The following ATG13 variants were observed in gnomAD, a reference collection of about 807,000 sequenced individuals.
The protein encoded by ATG13 is autophagy related 13.
A neutral mutation model predicts 65.5 loss-of-function variants in ATG13; 23 were observed. That is an observed-to-expected ratio of 0.35 (90% CI 0.25 to 0.50). The LOEUF (loss-of-function observed/expected upper bound fraction) is 0.50, where lower values mean the gene tolerates loss of function less well. Among genes scored for constraint, ATG13 ranks in the 20% least tolerant of loss-of-function variants. The pLI is 0.98. For synonymous variants in ATG13, 252 were observed against 245.2 expected, an observed-to-expected ratio of 1.03 and a Z score of -0.26; for missense variants, 566 against 677.0, an observed-to-expected ratio of 0.84 and a Z score of 1.82.
Position 46,657,155 on chromosome 11 carries a change from G to C in ATG13, c.560G>C (p.Cys187Ser). The C allele has an allele frequency of 6.2e-7, 1 of 1,614,128 alleles. No homozygotes were observed. Among genetic ancestry groups the C allele is most frequent in the Non-Finnish European group, 8.5e-7 (1 of 1,180,018 alleles). The part of the protein sequence containing the change: ...GTPVGTITLS[C>S]AYRINLAFMS... ...CCTGTGGGCACCATCACTCTTTCTT[G>C]TGCTTACAGAATTAACTTGGCATTC... Residue 187 changes from cysteine to serine, a missense_variant, in exon 9 of 19, where the codon TGT (cysteine) becomes TCT (serine). Cys to Ser is a moderately radical substitution (Grantham distance 112). Transcript: ENST00000683050.
chr11:46,652,409 G>A lies in ATG13; in HGVS notation c.458+2092G>A, dbSNP rs993209637. Among the ~76,000 whole-genome samples, 10 of 152,184 alleles carry A rather than the reference G, an allele frequency of 6.6e-5. No homozygotes were observed. In the South Asian group the frequency reaches 1.0e-3, roughly 16 times the overall value. ...ATACTGTTGTTAGAAGGTTAACAGC[G>A]TGATACCATTAAAGAATAGTCTTGA... On this transcript the variant is annotated intron_variant, in intron 7 of 18. Coordinates refer to ENST00000683050, the MANE Select transcript of ATG13 (RefSeq NM_001346311.2).
chr11:46,671,413 C>CT (rs1417844510), intron 18 of ATG13, among the ~76,000 whole-genome samples: 11 of 152,196 alleles, frequency 7.2e-5, no homozygotes, highest in African/African-American at 2.4e-4. Flanking sequence ...CTCTCAATCT[C>CT]TAACTCACCC....
At chr11:46,644,637 G>T (rs2057064373) in intron 3 of ATG13, among the ~76,000 whole-genome samples, 1 of 151,552 alleles carries the variant, frequency 6.6e-6, no homozygotes, top group Non-Finnish European at 1.5e-5. Context: ...TGTTATGCCA[G>T]GTTATTGGCA....
chr11:46,621,985 T>C (rs1467474690), intron 1 of ATG13, among the ~76,000 whole-genome samples: 2 of 150,178 alleles, frequency 1.3e-5, no homozygotes, highest in Non-Finnish European at 3.0e-5. Flanking sequence ...TTTATCTACA[T>C]CTTTATGTGT....
At position 46,664,894 on chromosome 11, in the gene ATG13, G is replaced by C. The variant is rs760065145; in HGVS notation, c.934G>C (p.Gly312Arg). The C allele has an allele frequency of 1.2e-6, 2 of 1,613,972 alleles. No homozygotes were observed. The highest frequency in any genetic ancestry group is 4.5e-5 in the East Asian group (2 of 44,878). The change falls in exon 13 of 19, where the codon GGA (glycine) becomes CGA (arginine). Residue 312 changes from glycine (G) to arginine (R), a missense_variant. Coordinates refer to ENST00000683050, the MANE Select transcript of ATG13 (RefSeq NM_001346311.2). Reference protein sequence around the residue: ...LSYQPAALGVGSADLAYPVVF... With the variant: ...LSYQPAALGVRSADLAYPVVF... ...CTATCAGCCTGCTGCCCTGGGCGTT[G>C]GATCAGCTGACCTGGCTTATCCAGT...
intron 7 of ATG13, 40 bp from the exon 8 acceptor site, chr11:46,656,193 A>G: frequency 1.3e-6 from 2 of 1,590,456 alleles, no homozygotes; most frequent in South Asian, 2.2e-5. Context: ...CCTTAGGAGT[A>G]AAGAATCAGG....
chr11:46,650,166 G>C lies in ATG13; in HGVS notation c.318-11G>C. The C allele has an allele frequency of 1.2e-6, 2 of 1,612,924 alleles. No homozygotes were observed. The highest frequency in any genetic ancestry group is 1.7e-6 in the Non-Finnish European group (2 of 1,179,198). ...ATAGAAGAATGCTGACCATATCTTT[G>C]TGCCTGGCAGGTGTGATAAAGAAAT... is the stretch of plus-strand genomic sequence containing the variant. On this transcript the variant is annotated splice_polypyrimidine_tract_variant and intron_variant, in intron 6 of 18. Transcript: ENST00000683050.
At chr11:46,624,834 A>T (rs2135721590) in intron 1 of ATG13, among the ~76,000 whole-genome samples, 1 of 152,246 alleles carries the variant, frequency 6.6e-6, no homozygotes, top group East Asian at 1.9e-4. Flanking sequence ...AGAGTTTGAG[A>T]CCAGCCTGAG....
chr11:46,672,161 G>C (rs1592334425), intron 18 of ATG13, 94 bp from the exon 19 acceptor site: 25 of 1,589,148 alleles, frequency 1.6e-5, no homozygotes, highest in Non-Finnish European at 2.1e-5. Context: ...GCTGAGCTTC[G>C]TCTTGCTTGC....
At chr11:46,644,749 T>C (rs2057091802) in intron 3 of ATG13, among the ~76,000 whole-genome samples, 1 of 152,166 alleles carries the variant, frequency 6.6e-6, no homozygotes, top group Non-Finnish European at 1.5e-5. Flanking sequence ...TGTTCAACTT[T>C]TATATATTCT....
chr11:46,647,009 C>G (rs1168662511), intron 5 of ATG13, among the ~76,000 whole-genome samples: 2 of 151,950 alleles, frequency 1.3e-5, no homozygotes, highest in Non-Finnish European at 2.9e-5. Context: ...ATCTGCCTGC[C>G]TCAGTCTCTC....
intron 1 of ATG13, among the ~76,000 whole-genome samples, chr11:46,620,179 C>T (rs2046999526): frequency 6.6e-6 from 1 of 151,360 alleles, no homozygotes; most frequent in Admixed American, 6.6e-5. Flanking sequence ...CAACAACCTC[C>T]CCCTCCTGAG....
chr11:46,659,921 T>C (rs1429095266), intron 11 of ATG13: 1 of 155,588 alleles, frequency 6.4e-6, no homozygotes, highest in African/African-American at 2.4e-5. Context: ...TTCTTTATAG[T>C]TGACACAGAT....
At chr11:46,659,027 C>T in intron 10 of ATG13, among the ~76,000 whole-genome samples, 1 of 152,034 alleles carries the variant, frequency 6.6e-6, no homozygotes, top group Non-Finnish European at 1.5e-5. Flanking sequence ...CCTGTCTCTA[C>T]AAAAAATTAA....
intron 18 of ATG13, among the ~76,000 whole-genome samples, chr11:46,670,117 C>T (rs1203174195): frequency 6.6e-6 from 1 of 152,152 alleles, no homozygotes; most frequent in Non-Finnish European, 1.5e-5. Flanking sequence ...TGATCACCTC[C>T]TAAATAGATA....
Position 46,664,979 on chromosome 11 carries a change from G to A in ATG13, c.999+20G>A, listed in dbSNP as rs778590838. 1.2e-6 allele frequency: 2 copies of A among 1,604,098 alleles called. No individual in the cohort carries two copies. On this transcript the variant is annotated intron_variant, in intron 13 of 18. Coordinates refer to ENST00000683050, the MANE Select transcript of ATG13 (RefSeq NM_001346311.2). ...CACCAGGTATCTTTAAAGATGGGGA[G>A]GACTATGGGTTTCCAGTGCTGCCTC...
At chr11:46,633,422 C>G (rs574366050) in intron 2 of ATG13, among the ~76,000 whole-genome samples, 1 of 151,722 alleles carries the variant, frequency 6.6e-6, no homozygotes, top group South Asian at 2.1e-4. Flanking sequence ...AATCTTGGCT[C>G]GTGCAACCTC....
intron 2 of ATG13, among the ~76,000 whole-genome samples, chr11:46,637,377 G>A (rs183374102): frequency 1.8e-4 from 28 of 152,320 alleles, no homozygotes; most frequent in African/African-American, 6.0e-4. Context: ...CAGCAAAAAT[G>A]TATTTTCTTT....
chr11:46,619,406 C>CG (rs1166876837), intron 1 of ATG13, among the ~76,000 whole-genome samples: 1 of 65,472 alleles, frequency 1.5e-5, no homozygotes, highest in African/African-American at 7.5e-5. Context: ...TTTTTTGAGA[C>CG]GGAGTTTCAC....
Sources: gnomAD v4.1 joint callset for allele counts (sites outside exome capture counted in the v4.1 genomes callset) on GRCh38, gnomAD v4.1.1 for gene constraint, MANE v1.5 for transcripts, NCBI Gene and HGNC (gene_info 2026-07-23, HGNC 2026-07-21) for gene names.